The following LDHA variants were observed in gnomAD, a reference collection of about 807,000 sequenced individuals.
LDHA encodes lactate dehydrogenase A, also known as L-lactate dehydrogenase A chain.
A neutral mutation model predicts 36.3 loss-of-function variants in LDHA; 10 were observed. The ratio of observed to expected loss-of-function variants is 0.28; its 90% confidence interval spans 0.17 to 0.47. LDHA has a LOEUF of 0.47. Ranked by LOEUF, LDHA falls within the 20% of genes least tolerant of loss-of-function variation. LDHA has a pLI of 0.99. For synonymous variants in LDHA, 110 were observed against 136.7 expected (o/e 0.80, Z 1.36); for missense variants, 267 against 405.8 (o/e 0.66, Z 2.94).
chr11:18,403,246 A>G (rs1866565231), intron 5 of LDHA, among the ~76,000 whole-genome samples: 1 of 152,174 alleles, frequency 6.6e-6, no homozygotes, highest in Non-Finnish European at 1.5e-5. Context: ...TACCATGGAT[A>G]TCTTAAGACT....
intron 1 of LDHA, 146 bp from the exon 2 acceptor site, chr11:18,396,673 T>C: frequency 7.3e-7 from 1 of 1,377,492 alleles, no homozygotes; most frequent in Non-Finnish European, 9.6e-7. Context: ...TTGGCAACCA[T>C]TAGGTTTTTT....
At chr11:18,400,473 ACACACACACG>A in intron 3 of LDHA, 1 of 330,762 alleles carries the variant, frequency 3.0e-6, no homozygotes, top group South Asian at 2.3e-5. Context: ...ACACACACAC[ACACACACACG>A]AAATTGCCTG....
At chr11:18,405,384 T>A in intron 6 of LDHA, 65 bp from the exon 7 acceptor site, 1 of 1,549,446 alleles carries the variant, frequency 6.5e-7, no homozygotes. Flanking sequence ...TAATGAAAAC[T>A]TTGTTTTTCT....
intron 6 of LDHA, among the ~76,000 whole-genome samples, chr11:18,404,089 C>T (rs1378256690): frequency 6.6e-6 from 1 of 152,024 alleles, no homozygotes; most frequent in African/African-American, 2.4e-5. Flanking sequence ...TGCCATGACG[C>T]CCGGCTAATT....
At position 18,399,433 on chromosome 11, in the gene LDHA, C is replaced by T; in HGVS notation, c.129C>T (p.Asp43=). Residue 43 remains aspartate (D), a splice_region_variant and synonymous_variant, in exon 3 of 8, where the codon GAC becomes GAT. Coordinates refer to ENST00000422447, the MANE Select transcript of LDHA (RefSeq NM_005566.4). ...ACTAAAGATTTGATGTCTTTTAGGA[C>T]TTGGCAGATGAACTTGCTCTTGTTG... ...MACAISILMK[D]LADELALVDV... is the part of the protein sequence containing the mutation. 1 of 1,604,778 alleles carries T rather than the reference C, an allele frequency of 6.2e-7. No homozygotes were observed. The highest frequency in any genetic ancestry group is 8.5e-7 in the Non-Finnish European group (1 of 1,172,072).
chr11:18,399,378 A>G (rs764612697), intron 2 of LDHA, 53 bp from the exon 3 acceptor site: 14 of 1,263,622 alleles, frequency 1.1e-5, no homozygotes, highest in African/African-American at 5.9e-5. Flanking sequence ...ATGCTCTTCT[A>G]AAAATCTAGA....
chr11:18,401,957 T>TCTC (rs1565037611), intron 4 of LDHA, among the ~76,000 whole-genome samples: 3 of 22,200 alleles, frequency 1.4e-4, no homozygotes, highest in South Asian at 2.8e-3. Context: ...GTTATTCTCT[T>TCTC]TTTTTTTTTT....
At chr11:18,395,944 G>A (rs1866278141) in intron 1 of LDHA, among the ~76,000 whole-genome samples, 1 of 152,238 alleles carries the variant, frequency 6.6e-6, no homozygotes, top group Non-Finnish European at 1.5e-5. Context: ...AACAGGCCCT[G>A]GTTTCTAGTA....
In LDHA at chr11:18,407,863, C is replaced by T. The variant is rs144317385; in HGVS notation, c.*582C>T. 2,023 of 454,088 alleles carry T rather than the reference C, an allele frequency of 4.5e-3. 40 individuals are homozygous for T. The highest frequency in any genetic ancestry group is 0.036 in the African/African-American group (1,803 of 50,100). The allele number at this position is 454,088 out of a possible 1,614,324, so 28.1% of individuals were successfully genotyped here. A position where few individuals can be genotyped will look rare whatever the true frequency, so the allele number is the denominator to read the frequency against. ...TGAACAGTGACTACTTTGGTTAATT[C>T]ATTATATTAAGATATAAAGTCATAA... On this transcript the variant is annotated 3_prime_UTR_variant, in exon 8 of 8. Coordinates refer to ENST00000422447, the MANE Select transcript of LDHA (RefSeq NM_005566.4).
In LDHA at chr11:18,401,023, A is replaced by T. The variant is rs201323060; in HGVS notation, c.418+13A>T. 2.7e-5 allele frequency: 44 copies of T among 1,603,480 alleles called. 2 individuals are homozygous for T. In the South Asian group the frequency reaches 4.6e-4, roughly 17 times the overall value. On this transcript the variant is annotated intron_variant, in intron 4 of 7. Transcript: ENST00000422447. ...GTTTCAAATCCAGGTGAGGCTTTTG[A>T]CTGCATAAAAATTGACAAGCTATAG...
Position 18,399,907 on chromosome 11 carries a change from G to A in LDHA, c.244+359G>A, listed in dbSNP as rs1033257509. Reference sequence around the variant, plus strand: ...ACTGTGCCCGGCTTTAGACTTAAATGTTTTATCAGGCTTGAAATCCTAGCT... The same window carrying A: ...ACTGTGCCCGGCTTTAGACTTAAATATTTTATCAGGCTTGAAATCCTAGCT... On this transcript the variant is annotated intron_variant, in intron 3 of 7. Transcript: ENST00000422447. The A allele has an allele frequency of 3.3e-5, 7 of 214,590 alleles. No individual in the cohort carries two copies. The East Asian group carries it at 7.3e-4, about 22-fold the overall frequency. 13.3% of individuals were successfully genotyped at this position (214,590 alleles called of 1,614,324 possible).
intron 6 of LDHA, among the ~76,000 whole-genome samples, chr11:18,404,475 C>T (rs112627800): frequency 1.2e-4 from 18 of 152,102 alleles, no homozygotes; most frequent in African/African-American, 4.1e-4. Flanking sequence ...GCATTATTTA[C>T]CTTTGTGGTC....
chr11:18,396,611 G>A lies in LDHA; in HGVS notation c.-24-208G>A, dbSNP rs1198545209. ...GTCGATATTCCTTTTCCACGCTAAGGTATGGGCCTTCACTCTTCACAGACC... is the reference window on the plus strand; with the variant it reads ...GTCGATATTCCTTTTCCACGCTAAGATATGGGCCTTCACTCTTCACAGACC... On this transcript the variant is annotated intron_variant, in intron 1 of 7. Coordinates refer to ENST00000422447, the MANE Select transcript of LDHA (RefSeq NM_005566.4). The A allele has an allele frequency of 2.9e-6, 4 of 1,399,654 alleles. No individual in the cohort carries two copies. The East Asian group carries it at 1.1e-4, about 37-fold the overall frequency. 86.7% of individuals were successfully genotyped at this position (1,399,654 alleles called of 1,614,324 possible).
intron 2 of LDHA, 27 bp downstream of exon 2, chr11:18,396,995 G>T: frequency 6.2e-7 from 1 of 1,611,796 alleles, no homozygotes; most frequent in East Asian, 2.2e-5. Context: ...CACACTGGAA[G>T]CCCATACCTT....
At position 18,408,260 on chromosome 11, in the gene LDHA, C is replaced by T. The variant is rs1245383482; in HGVS notation, c.*979C>T. The stretch of plus-strand genomic sequence containing the variant: ...TATAATCCCAGCACTTTGGGAAGCC[C>T]AGGTGGGCTGATCACTGGAGGCCAG... On this transcript the variant is annotated 3_prime_UTR_variant, in exon 8 of 8. Transcript: ENST00000422447. The T allele has an allele frequency of 2.2e-6, 1 of 452,102 alleles. No homozygotes were observed. The highest frequency in any genetic ancestry group is 4.4e-6 in the Non-Finnish European group (1 of 226,058). The allele number at this position is 452,102 out of a possible 1,614,324, so 28.0% of individuals were successfully genotyped here.
intron 7 of LDHA, among the ~76,000 whole-genome samples, 171 bp from the exon 8 acceptor site, chr11:18,406,946 C>T (rs912400330): frequency 1.3e-5 from 2 of 150,656 alleles, no homozygotes; most frequent in Non-Finnish European, 1.5e-5. Context: ...GTGGAGGTTG[C>T]GGTGAGCTGA....
chr11:18,407,489 G>A lies in LDHA; in HGVS notation c.*208G>A, dbSNP rs1466219296. On this transcript the variant is annotated 3_prime_UTR_variant, in exon 8 of 8. Transcript: ENST00000422447. ...TGATGCTGGATGGTATTAATCTTGT[G>A]TAGTCTTCAACTGGTTAGTGTGAAA... 1 of 1,030,864 alleles carries A rather than the reference G, an allele frequency of 9.7e-7. No homozygotes were observed. Among genetic ancestry groups the A allele is most frequent in the Admixed American group, 2.0e-5 (1 of 50,384 alleles). 63.9% of individuals were successfully genotyped at this position (1,030,864 alleles called of 1,614,324 possible). A position where few individuals can be genotyped will look rare whatever the true frequency, so the allele number is the denominator to read the frequency against.
At chr11:18,406,996 ACT>A (rs1866707935) in intron 7 of LDHA, 119 bp from the exon 8 acceptor site, 1 of 766,406 alleles carries the variant, frequency 1.3e-6, no homozygotes, top group Non-Finnish European at 2.0e-6. Context: ...ACAGAGCGAG[ACT>A]CTGCCTCAAA....
At chr11:18,395,650 G>A (rs7932887) in intron 1 of LDHA, among the ~76,000 whole-genome samples, 8 of 152,022 alleles carry the variant, frequency 5.3e-5, no homozygotes, top group African/African-American at 1.9e-4. Flanking sequence ...AGGTCCTCTC[G>A]GATTTTTGCC....
Sources: gnomAD v4.1 joint callset for allele counts (sites outside exome capture counted in the v4.1 genomes callset) on GRCh38, gnomAD v4.1.1 for gene constraint, MANE v1.5 for transcripts, NCBI Gene and HGNC (gene_info 2026-07-23, HGNC 2026-07-21) for gene names.